Variants in KCNJ15 observed in about 807,000 individuals in gnomAD.
KCNJ15 encodes the protein ATP-sensitive inward rectifier potassium channel 15.
KCNJ15 carries 14 observed loss-of-function variants against 23.0 expected under a neutral mutation model. The observed-to-expected ratio is 0.61, with a 90% CI of 0.40 to 0.95. The LOEUF is 0.95. KCNJ15 is among the 40% of genes least tolerant of loss of function. The pLI is 0.00. For synonymous variants in KCNJ15, 185 were observed against 183.2 expected, an observed-to-expected ratio of 1.01 and a Z score of -0.08; for missense variants, 388 against 461.8, an observed-to-expected ratio of 0.84 and a Z score of 1.46.
intron 1 of KCNJ15, chr21:38,238,411 T>A: frequency 1.4e-6 from 1 of 696,960 alleles, no homozygotes; most frequent in South Asian, 1.4e-5. Flanking sequence ...GTTAGGAATG[T>A]AGACAGGGTG....
Position 38,305,398 on chromosome 21 carries a change from G to A in KCNJ15, c.*5009G>A, listed in dbSNP as rs1351440555. The stretch of plus-strand genomic sequence containing the variant: ...ATGTTGGCAGTGTGTAAAAATAGAA[G>A]ACCAAGAGAAGGCGGTTGATTGGAG... On this transcript the variant is annotated 3_prime_UTR_variant, in exon 3 of 3. Coordinates refer to ENST00000398938, the MANE Select transcript of KCNJ15 (RefSeq NM_170736.3). 1 of 152,196 alleles carries A rather than the reference G, an allele frequency of 6.6e-6. No homozygotes were observed. The highest frequency in any genetic ancestry group is 1.9e-4 in the East Asian group (1 of 5,204). 9.4% of individuals were successfully genotyped at this position (152,196 alleles called of 1,614,324 possible). A position where few individuals can be genotyped will look rare whatever the true frequency, so the allele number is the denominator to read the frequency against.
intron 1 of KCNJ15, among the ~76,000 whole-genome samples, chr21:38,230,097 AT>A (rs1167087274): frequency 6.6e-6 from 1 of 152,244 alleles, no homozygotes; most frequent in East Asian, 1.9e-4. Context: ...TGTATTTAAT[AT>A]TTTGAGAAAT....
At chr21:38,236,225 C>G (rs1415034794) in intron 1 of KCNJ15, among the ~76,000 whole-genome samples, 1 of 152,178 alleles carries the variant, frequency 6.6e-6, no homozygotes, top group African/African-American at 2.4e-5. Flanking sequence ...GTTTCCTGTA[C>G]CTGGCTGACA....
At chr21:38,298,470 C>T (rs2836300) in intron 2 of KCNJ15, among the ~76,000 whole-genome samples, 35,011 of 152,112 alleles carry the variant, frequency 0.23, 4,290 homozygotes, top group East Asian at 0.34. Context: ...GCATATTGAT[C>T]AAGCCATTAA....
chr21:38,235,938 G>A (rs1346495121), intron 1 of KCNJ15, among the ~76,000 whole-genome samples: 1 of 152,160 alleles, frequency 6.6e-6, no homozygotes, highest in East Asian at 1.9e-4. Flanking sequence ...GCTTCAATTA[G>A]AAATGTTTTT....
chr21:38,290,305 A>T (rs1984459270), intron 1 of KCNJ15, among the ~76,000 whole-genome samples: 1 of 152,174 alleles, frequency 6.6e-6, no homozygotes, highest in African/African-American at 2.4e-5. Context: ...AAGAATTCGC[A>T]TCGAGGAGTA....
chr21:38,229,934 A>G (rs930389946), intron 1 of KCNJ15, among the ~76,000 whole-genome samples: 2 of 152,302 alleles, frequency 1.3e-5, no homozygotes, highest in Non-Finnish European at 2.9e-5. Flanking sequence ...TTATACATTC[A>G]GCAGCTGATG....
chr21:38,234,237 C>A (rs565998664), intron 1 of KCNJ15, among the ~76,000 whole-genome samples: 1 of 152,354 alleles, frequency 6.6e-6, no homozygotes, highest in African/African-American at 2.4e-5. Flanking sequence ...TGGCCCAACA[C>A]AAATTCATAA....
chr21:38,288,408 C>T (rs1410613399), intron 1 of KCNJ15, among the ~76,000 whole-genome samples: 2 of 152,042 alleles, frequency 1.3e-5, no homozygotes. Context: ...ATGCTAATAA[C>T]TAATATGAAT....
intron 1 of KCNJ15, among the ~76,000 whole-genome samples, chr21:38,280,377 T>C (rs779447580): frequency 2.6e-5 from 4 of 152,134 alleles, no homozygotes; most frequent in Non-Finnish European, 5.9e-5. Flanking sequence ...ACCTTGTAAA[T>C]TAAGAGATTC....
In KCNJ15 at chr21:38,301,207, A is replaced by G. The variant is rs1985755411; in HGVS notation, c.*818A>G. The G allele has an allele frequency of 6.0e-6, 1 of 167,084 alleles. No individual in the cohort carries two copies. Among genetic ancestry groups the G allele is most frequent in the African/African-American group, 2.4e-5 (1 of 41,442 alleles). The allele number at this position is 167,084 out of a possible 1,614,324, so 10.4% of individuals were successfully genotyped here. A position where few individuals can be genotyped will look rare whatever the true frequency, so the allele number is the denominator to read the frequency against. On this transcript the variant is annotated 3_prime_UTR_variant, in exon 3 of 3. Coordinates refer to ENST00000398938, the MANE Select transcript of KCNJ15 (RefSeq NM_170736.3). ...CCAGACTTACAGAATTGGGGTCTGT[A>G]TCTTAACAAGAACCCCAGATGATTT... is the stretch of plus-strand genomic sequence containing the variant.
intron 1 of KCNJ15, among the ~76,000 whole-genome samples, chr21:38,271,572 A>G (rs1255022741): frequency 2.0e-5 from 3 of 152,226 alleles, no homozygotes; most frequent in African/African-American, 7.2e-5. Flanking sequence ...ATGTGTTTAT[A>G]TGTCTTTCCT....
At chr21:38,235,845 C>T (rs1179713795) in intron 1 of KCNJ15, among the ~76,000 whole-genome samples, 2 of 152,214 alleles carry the variant, frequency 1.3e-5, no homozygotes, top group Non-Finnish European at 2.9e-5. Flanking sequence ...ATCTGTTCAT[C>T]TGTAAAGCAC....
intron 1 of KCNJ15, among the ~76,000 whole-genome samples, chr21:38,284,344 A>G (rs1245124821): frequency 2.6e-5 from 4 of 152,086 alleles, no homozygotes; most frequent in African/African-American, 4.8e-5. Context: ...CCTCATTTCC[A>G]TGCCAGGAAG....
intron 1 of KCNJ15, among the ~76,000 whole-genome samples, chr21:38,284,557 A>G (rs571622801): frequency 6.6e-6 from 1 of 152,362 alleles, no homozygotes; most frequent in South Asian, 2.1e-4. Context: ...GACTCTCAGC[A>G]TCTATGTTTG....
Position 38,299,334 on chromosome 21 carries a change from A to G in KCNJ15, c.73A>G (p.Asn25Asp). The change falls in exon 3 of 3, where the codon AAC becomes GAC. Residue 25 changes from asparagine to aspartate, a missense_variant. Physicochemically the swap from Asn to Asp is conservative, Grantham distance 23 (BLOSUM62 1). Transcript: ENST00000398938. The surrounding 1 kb of genome is among the most constrained non-coding windows in gnomAD (Gnocchi z 4.5). Reference protein sequence around the residue: ...KHTAGAGLKANRPRVMSKSGH... With the variant: ...KHTAGAGLKADRPRVMSKSGH... ...CACTGCTGGGGCTGGGCTCAAGGCC[A>G]ACAGACCCCGCGTCATGTCCAAGAG... The G allele has an allele frequency of 6.2e-7, 1 of 1,614,182 alleles. No individual in the cohort carries two copies. Among genetic ancestry groups the G allele is most frequent in the Non-Finnish European group, 8.5e-7 (1 of 1,180,000 alleles).
chr21:38,291,676 G>A (rs953258241), intron 1 of KCNJ15: 2 of 152,158 alleles, frequency 1.3e-5, no homozygotes, highest in East Asian at 3.9e-4. Context: ...CAGCATCGGG[G>A]ATATCTGGGA....
chr21:38,292,378 G>A (rs1429493209), intron 1 of KCNJ15, among the ~76,000 whole-genome samples: 1 of 152,162 alleles, frequency 6.6e-6, no homozygotes, highest in Admixed American at 6.5e-5. Context: ...GGGCGGCCCA[G>A]TGTGTCTATG....
intron 1 of KCNJ15, among the ~76,000 whole-genome samples, chr21:38,289,475 G>A (rs1459392742): frequency 1.3e-5 from 2 of 152,150 alleles, no homozygotes; most frequent in African/African-American, 4.8e-5. Flanking sequence ...GCTCACACCT[G>A]TAATCCCAGC....
Sources: allele counts gnomAD v4.1 joint callset (sites outside exome capture counted in the v4.1 genomes callset), GRCh38; gene constraint gnomAD v4.1.1; non-coding constraint Gnocchi (gnomAD v3.1); transcripts MANE v1.5; gene names NCBI Gene and HGNC (gene_info 2026-07-23, HGNC 2026-07-21).